Variants in VPS13A observed in about 807,000 individuals in gnomAD.
VPS13A encodes the protein vacuolar protein sorting 13 homolog A.
A neutral mutation model predicts 390.9 loss-of-function variants in VPS13A; 264 were observed. The observed-to-expected ratio is 0.68, with a 90% CI of 0.61 to 0.75. VPS13A has a LOEUF of 0.75. Ranked by LOEUF, VPS13A falls within the 30% of genes least tolerant of loss-of-function variation. The pLI is 0.00. For missense variants in VPS13A, 3,409 were observed against 3,733.9 expected, an observed-to-expected ratio of 0.91 and a Z score of 2.27; for synonymous variants, 1,231 against 1,227.1, an observed-to-expected ratio of 1.00 and a Z score of -0.07.
intron 34 of VPS13A, among the ~76,000 whole-genome samples, chr9:77,305,238 G>A (rs970493864): frequency 2.6e-5 from 4 of 152,060 alleles, no homozygotes; most frequent in East Asian, 1.9e-4. Context: ...ACGCCTGGCC[G>A]AGATTTCAGA....
chr9:77,321,056 T>C, intron 42 of VPS13A, 113 bp from the exon 43 acceptor site: 2 of 1,005,280 alleles, frequency 2.0e-6, no homozygotes, highest in Non-Finnish European at 3.0e-6. Context: ...TAGAACTTAC[T>C]GAAATTAGAA....
intron 17 of VPS13A, among the ~76,000 whole-genome samples, chr9:77,229,944 T>C (rs1308954748): frequency 6.6e-6 from 1 of 152,192 alleles, no homozygotes; most frequent in African/African-American, 2.4e-5. Flanking sequence ...TTATCTGTTC[T>C]TTTGATTACA....
chr9:77,345,246 T>C (rs1831085945), intron 52 of VPS13A, 104 bp downstream of exon 52: 4 of 1,255,852 alleles, frequency 3.2e-6, no homozygotes, highest in Non-Finnish European at 4.6e-6. Context: ...GATAATAGCA[T>C]TGTAGCTGTG....
At chr9:77,240,478 G>GTTTTTTTTTTT (rs11351060) in intron 19 of VPS13A, among the ~76,000 whole-genome samples, 9 of 126,040 alleles carry the variant, frequency 7.1e-5, no homozygotes, top group South Asian at 2.5e-4. Flanking sequence ...TTATGTTTTT[G>GTTTTTTTTTTT]TTTTTTTTTT....
At chr9:77,278,057 A>G (rs1344210745) in intron 26 of VPS13A, among the ~76,000 whole-genome samples, 1 of 151,596 alleles carries the variant, frequency 6.6e-6, no homozygotes, top group South Asian at 2.1e-4. Flanking sequence ...AGTTTTTTTT[A>G]TTATTATTAG....
intron 23 of VPS13A, 56 bp from the exon 24 acceptor site, chr9:77,273,224 A>G (rs996748268): frequency 1.5e-6 from 2 of 1,338,208 alleles, no homozygotes; most frequent in African/African-American, 1.4e-5. Context: ...CATTTTTTGA[A>G]TAAGCGGTGA....
At chr9:77,238,432 A>G (rs1824278428) in intron 19 of VPS13A, 46 bp downstream of exon 19, 1 of 1,356,754 alleles carries the variant, frequency 7.4e-7, no homozygotes, top group Non-Finnish European at 1.1e-6. Context: ...TGTATCCTAT[A>G]TTAAACTTTT....
At chr9:77,254,895 A>C (rs1267366061) in intron 22 of VPS13A, among the ~76,000 whole-genome samples, 3 of 152,214 alleles carry the variant, frequency 2.0e-5, no homozygotes, top group Non-Finnish European at 4.4e-5. Context: ...CTAAAGTTCT[A>C]ACAGATTTAA....
chr9:77,179,058 A>G (rs1823840592), intron 1 of VPS13A, among the ~76,000 whole-genome samples: 1 of 152,232 alleles, frequency 6.6e-6, no homozygotes, highest in African/African-American at 2.4e-5. Flanking sequence ...AGAAACTTGC[A>G]GTCTGTTTAT....
At chr9:77,282,334 A>G in intron 29 of VPS13A, 60 bp downstream of exon 29, 3 of 1,463,120 alleles carry the variant, frequency 2.1e-6, no homozygotes, top group Non-Finnish European at 1.9e-6. Context: ...AGGTCAATAA[A>G]TCTAGACCCT....
intron 13 of VPS13A, among the ~76,000 whole-genome samples, chr9:77,224,180 C>T (rs1400309178): frequency 6.6e-6 from 1 of 152,096 alleles, no homozygotes; most frequent in African/African-American, 2.4e-5. Context: ...ACCTAGTCAC[C>T]AAAAGCTCTG....
At chr9:77,357,159 A>G (rs1206561775) in intron 55 of VPS13A, among the ~76,000 whole-genome samples, 1 of 151,694 alleles carries the variant, frequency 6.6e-6, no homozygotes, top group Non-Finnish European at 1.5e-5. Context: ...TCTCTGCTAA[A>G]AATACAAAAA....
At chr9:77,266,042 A>G (rs1293307122) in intron 23 of VPS13A, among the ~76,000 whole-genome samples, 3 of 152,028 alleles carry the variant, frequency 2.0e-5, no homozygotes, top group Non-Finnish European at 1.5e-5. Context: ...CCTTAATTTC[A>G]TTATTTACCC....
intron 68 of VPS13A, among the ~76,000 whole-genome samples, chr9:77,392,813 G>A (rs1331575446): frequency 8.9e-6 from 1 of 112,478 alleles, no homozygotes; most frequent in East Asian, 3.0e-4. Flanking sequence ...ATACATAATT[G>A]CTAAAAAAAA....
At chr9:77,209,147 A>C (rs753026094) in intron 5 of VPS13A, among the ~76,000 whole-genome samples, 2 of 152,122 alleles carry the variant, frequency 1.3e-5, no homozygotes, top group Non-Finnish European at 2.9e-5. Flanking sequence ...TTCATTTTTA[A>C]ATATATTTTT....
intron 45 of VPS13A, among the ~76,000 whole-genome samples, chr9:77,324,937 C>G (rs1335366471): frequency 6.6e-6 from 1 of 151,810 alleles, no homozygotes; most frequent in African/African-American, 2.4e-5. Context: ...TCATGGAAGA[C>G]AATTTTTCCA....
chr9:77,392,440 GTTA>G (rs1833933330), intron 68 of VPS13A, among the ~76,000 whole-genome samples: 1 of 152,082 alleles, frequency 6.6e-6, no homozygotes, highest in South Asian at 2.1e-4. Flanking sequence ...TTTTACTAGA[GTTA>G]TTATTTTTTA....
chr9:77,368,044 G>T lies in VPS13A; in HGVS notation c.8472-11G>T, dbSNP rs1281741862. On this transcript the variant is annotated splice_polypyrimidine_tract_variant and intron_variant, in intron 61 of 71. Transcript: ENST00000360280. Reference sequence around the variant, plus strand: ...ACATGTACAGACAATATATTTTTACGCTTTTTTCAGGCTTGCATTTTTTGA... The same window carrying T: ...ACATGTACAGACAATATATTTTTACTCTTTTTTCAGGCTTGCATTTTTTGA... 33 of 1,606,848 alleles carry T rather than the reference G, an allele frequency of 2.1e-5. No homozygotes were observed. Among genetic ancestry groups the T allele is most frequent in the Non-Finnish European group, 2.6e-5 (30 of 1,176,346 alleles).
At chr9:77,269,111 A>G (rs1228857408) in intron 23 of VPS13A, among the ~76,000 whole-genome samples, 2 of 152,096 alleles carry the variant, frequency 1.3e-5, no homozygotes, top group African/African-American at 4.8e-5. Context: ...TTCTCTAGAT[A>G]TTGAGCTTTT....
Sources: allele counts gnomAD v4.1 joint callset (sites outside exome capture counted in the v4.1 genomes callset), GRCh38; gene constraint gnomAD v4.1.1; transcripts MANE v1.5; gene names NCBI Gene and HGNC (gene_info 2026-07-23, HGNC 2026-07-21).